The following CDH18 variants were observed in gnomAD, a reference collection of about 807,000 sequenced individuals.
CDH18 encodes cadherin 18, also known as cadherin-18.
In CDH18, 31 loss-of-function variants were observed where a neutral mutation model predicts 67.9. The observed-to-expected ratio is 0.46, with a 90% CI of 0.34 to 0.62. CDH18 has a LOEUF of 0.62. Among genes scored for constraint, CDH18 ranks in the 20% least tolerant of loss-of-function variants. The pLI is 0.01. For missense variants in CDH18, 890 were observed against 975.5 expected (o/e 0.91, Z 1.17); for synonymous variants, 362 against 347.2 (o/e 1.04, Z -0.48).
chr5:20,138,997 T>C (rs2126514340), intron 2 of CDH18, among the ~76,000 whole-genome samples: 1 of 152,204 alleles, frequency 6.6e-6, no homozygotes, highest in South Asian at 2.1e-4. Flanking sequence ...AAAAAGAACC[T>C]GCATTGCCAA....
At chr5:19,779,298 T>C (rs567051615) in intron 3 of CDH18, among the ~76,000 whole-genome samples, 3 of 152,306 alleles carry the variant, frequency 2.0e-5, no homozygotes, top group South Asian at 2.1e-4. Context: ...AGATTAACTA[T>C]TGCAACACTG....
At chr5:20,384,192 C>A (rs78750732) in intron 1 of CDH18, among the ~76,000 whole-genome samples, 1 of 152,068 alleles carries the variant, frequency 6.6e-6, no homozygotes, top group Non-Finnish European at 1.5e-5. Context: ...CATGACAGAC[C>A]TCTATAACTT....
intron 5 of CDH18, among the ~76,000 whole-genome samples, chr5:19,628,122 C>T (rs760094408): frequency 4.6e-5 from 7 of 152,104 alleles, no homozygotes; most frequent in Non-Finnish European, 8.8e-5. Flanking sequence ...TTCTCCCATA[C>T]TGTTCTTATG....
rs573232741 is a variant in CDH18 at position 19,668,126 on chromosome 5, T to A, written c.643+53221A>T. On this transcript the variant is annotated intron_variant, in intron 5 of 12. Coordinates refer to ENST00000382275, the MANE Select transcript of CDH18 (RefSeq NM_004934.5). The stretch of plus-strand genomic sequence containing the variant: ...AAAATAAAAATTCACATATTTGAGA[T>A]GGGACAAATCTGAAATAATTGCTTG... Among the ~76,000 whole-genome samples the A allele has an allele frequency of 2.6e-5, 4 of 152,144 alleles. No individual in the cohort carries two copies. In the South Asian group the frequency reaches 8.3e-4, roughly 32 times the overall value.
chr5:20,443,209 CAAAA>C (rs72353299), intron 1 of CDH18, among the ~76,000 whole-genome samples: 10 of 77,512 alleles, frequency 1.3e-4, no homozygotes, highest in Admixed American at 7.2e-4. Flanking sequence ...GACTCCGTCA[CAAAA>C]AAAAAAAAAA....
At chr5:19,846,855 C>A (rs1206132504) in intron 2 of CDH18, among the ~76,000 whole-genome samples, 1 of 152,104 alleles carries the variant, frequency 6.6e-6, no homozygotes, top group African/African-American at 2.4e-5. Flanking sequence ...TGAAAATCTT[C>A]ATCTCTTTAC....
At chr5:20,025,786 A>C (rs1037370001) in intron 2 of CDH18, among the ~76,000 whole-genome samples, 1 of 152,188 alleles carries the variant, frequency 6.6e-6, no homozygotes, top group Admixed American at 6.5e-5. Context: ...GTTAGTGCCA[A>C]TTCAAAATTA....
At chr5:20,314,554 A>G (rs947574954) in intron 1 of CDH18, among the ~76,000 whole-genome samples, 2 of 152,158 alleles carry the variant, frequency 1.3e-5, no homozygotes, top group African/African-American at 4.8e-5. Flanking sequence ...GTATGCATCT[A>G]GGTTATTGAT....
intron 11 of CDH18, among the ~76,000 whole-genome samples, chr5:19,491,326 T>C (rs1741437162): frequency 6.6e-6 from 1 of 152,152 alleles, no homozygotes; most frequent in Admixed American, 6.6e-5. Flanking sequence ...ATGTGAGGAA[T>C]CACTAAATGG....
intron 2 of CDH18, among the ~76,000 whole-genome samples, chr5:20,134,264 C>A (rs1749511207): frequency 6.6e-6 from 1 of 152,180 alleles, no homozygotes; most frequent in African/African-American, 2.4e-5. Context: ...ATGTGAGTCA[C>A]CATGCCCAGC....
At chr5:19,675,064 G>C (rs751892208) in intron 5 of CDH18, among the ~76,000 whole-genome samples, 1 of 151,962 alleles carries the variant, frequency 6.6e-6, no homozygotes, top group Non-Finnish European at 1.5e-5. Context: ...ATCACATGTC[G>C]GCAGGTTCCG....
intron 2 of CDH18, among the ~76,000 whole-genome samples, chr5:20,213,352 C>CT (rs949209375): frequency 5.9e-5 from 9 of 151,926 alleles, no homozygotes; most frequent in East Asian, 1.9e-4. Flanking sequence ...ATAAAGTTTT[C>CT]TTTTTTTTGT....
At chr5:19,907,740 T>C (rs1393973256) in intron 2 of CDH18, among the ~76,000 whole-genome samples, 2 of 152,086 alleles carry the variant, frequency 1.3e-5, no homozygotes, top group East Asian at 3.8e-4. Flanking sequence ...GGCATATTCA[T>C]GACATTAATT....
In CDH18 at chr5:19,497,639, A is replaced by G. The variant is rs193057661; in HGVS notation, c.1630+5353T>C. ...TACATTTAGTTATTTAGCAAAGCAGATTTAGATATTAAATAGGAGAATTTC... is the reference window on the plus strand; with the variant it reads ...TACATTTAGTTATTTAGCAAAGCAGGTTTAGATATTAAATAGGAGAATTTC... On this transcript the variant is annotated intron_variant, in intron 11 of 12. Transcript: ENST00000382275. Among the ~76,000 whole-genome samples, 617 of 152,338 alleles carry G rather than the reference A, an allele frequency of 4.1e-3. 3 individuals carry two copies. The highest frequency in any genetic ancestry group is 7.2e-3 in the Non-Finnish European group (492 of 68,032).
intron 1 of CDH18, among the ~76,000 whole-genome samples, chr5:20,420,543 T>TG: frequency 6.6e-6 from 1 of 151,334 alleles, no homozygotes; most frequent in East Asian, 1.9e-4. Flanking sequence ...GATAAATACT[T>TG]GTGAAATAAA....
At chr5:20,314,812 C>T (rs1737317447) in intron 1 of CDH18, among the ~76,000 whole-genome samples, 1 of 151,920 alleles carries the variant, frequency 6.6e-6, no homozygotes, top group Non-Finnish European at 1.5e-5. Context: ...CATAAATACA[C>T]AAAACAGTCA....
At chr5:19,607,674 G>A (rs1433892925) in intron 6 of CDH18, among the ~76,000 whole-genome samples, 8 of 151,230 alleles carry the variant, frequency 5.3e-5, no homozygotes, top group East Asian at 1.9e-4. Flanking sequence ...ACAAAAGCAA[G>A]AGAAATTATA....
intron 6 of CDH18, among the ~76,000 whole-genome samples, chr5:19,597,092 C>T (rs917962243): frequency 1.3e-5 from 2 of 152,180 alleles, no homozygotes; most frequent in Admixed American, 1.3e-4. Context: ...CACTTTCTCA[C>T]TCCCTCTTGT....
intron 2 of CDH18, among the ~76,000 whole-genome samples, chr5:20,081,347 C>T (rs1240693510): frequency 6.6e-6 from 1 of 152,102 alleles, no homozygotes; most frequent in Non-Finnish European, 1.5e-5. Context: ...AGCATGTTGG[C>T]TCATACACTG....
Sources: gnomAD v4.1 joint callset for allele counts (sites outside exome capture counted in the v4.1 genomes callset) on GRCh38, gnomAD v4.1.1 for gene constraint, MANE v1.5 for transcripts, NCBI Gene and HGNC (gene_info 2026-07-23, HGNC 2026-07-21) for gene names.